The following DLG2 variants were observed in gnomAD, a reference collection of about 807,000 sequenced individuals.
DLG2 encodes the protein disks large homolog 2.
In DLG2, 45 loss-of-function variants were observed where a neutral mutation model predicts 132.5. That is an observed-to-expected ratio of 0.34 (90% CI 0.27 to 0.44). DLG2 has a LOEUF of 0.44. DLG2 is among the 20% of genes least tolerant of loss of function. The pLI is 1.00. For missense variants in DLG2, 1,045 were observed against 1,196.9 expected (o/e 0.87, Z 1.87); for synonymous variants, 424 against 419.6 (o/e 1.01, Z -0.13).
At chr11:84,864,453 G>A (rs2084243830) in intron 6 of DLG2, among the ~76,000 whole-genome samples, 1 of 152,018 alleles carries the variant, frequency 6.6e-6, no homozygotes, top group Non-Finnish European at 1.5e-5. Flanking sequence ...TAGTTTTACT[G>A]TTTTCTTTGT....
At chr11:85,469,241 T>C (rs1192852480) in intron 3 of DLG2, 1 of 152,230 alleles carries the variant, frequency 6.6e-6, no homozygotes, top group African/African-American at 2.4e-5. Flanking sequence ...CATTTCTCAC[T>C]TGAGTGATTT....
intron 7 of DLG2, among the ~76,000 whole-genome samples, chr11:84,281,922 T>C (rs1469505447): frequency 6.6e-6 from 1 of 152,168 alleles, no homozygotes; most frequent in African/African-American, 2.4e-5. Context: ...GGTGAGAATA[T>C]AAAAAATTGT....
At chr11:84,957,097 T>C (rs2051792752) in intron 6 of DLG2, among the ~76,000 whole-genome samples, 1 of 152,136 alleles carries the variant, frequency 6.6e-6, no homozygotes, top group Non-Finnish European at 1.5e-5. Flanking sequence ...ACAACAACCT[T>C]AGGGGAGAGA....
At chr11:83,631,604 T>C (rs1375081013) in intron 19 of DLG2, 1 of 152,182 alleles carries the variant, frequency 6.6e-6, no homozygotes, top group Non-Finnish European at 1.5e-5. Flanking sequence ...GTATTAGTTT[T>C]ATATAATATC....
chr11:84,207,175 G>A (rs116295410), intron 8 of DLG2, among the ~76,000 whole-genome samples: 26 of 151,162 alleles, frequency 1.7e-4, no homozygotes, highest in African/African-American at 5.1e-4. Context: ...AATATACCAC[G>A]CTTATGGGCT....
chr11:84,951,542 A>C (rs1591741866), intron 6 of DLG2, among the ~76,000 whole-genome samples: 1 of 151,678 alleles, frequency 6.6e-6, no homozygotes, highest in East Asian at 1.9e-4. Flanking sequence ...CGAGCATTAA[A>C]ATTTTAACTA....
At chr11:83,686,029 A>T (rs926304404) in intron 18 of DLG2, among the ~76,000 whole-genome samples, 1 of 151,578 alleles carries the variant, frequency 6.6e-6, no homozygotes, top group Non-Finnish European at 1.5e-5. Flanking sequence ...CTCCACCCTC[A>T]TCTCCCTAAT....
chr11:84,865,605 A>G (rs1250470320), intron 6 of DLG2, among the ~76,000 whole-genome samples: 1 of 152,218 alleles, frequency 6.6e-6, no homozygotes, highest in African/African-American at 2.4e-5. Context: ...CAGATTTTTC[A>G]AAGGTAACAG....
intron 3 of DLG2, among the ~76,000 whole-genome samples, chr11:85,341,177 G>C (rs987107319): frequency 6.6e-6 from 1 of 152,102 alleles, no homozygotes; most frequent in Admixed American, 6.5e-5. Context: ...GGAGTGTAGT[G>C]GCACGATCTC....
At chr11:85,239,848 C>T (rs1468109865) in intron 4 of DLG2, among the ~76,000 whole-genome samples, 1 of 151,850 alleles carries the variant, frequency 6.6e-6, no homozygotes, top group Non-Finnish European at 1.5e-5. Context: ...ACTGGACATG[C>T]TATGACTATT....
chr11:85,229,753 A>G (rs930975065), intron 4 of DLG2, among the ~76,000 whole-genome samples: 7 of 152,118 alleles, frequency 4.6e-5, no homozygotes, highest in Admixed American at 6.6e-5. Flanking sequence ...ATGCCCATCA[A>G]TGATAGACTG....
At chr11:84,842,489 G>T (rs1175693754) in intron 6 of DLG2, among the ~76,000 whole-genome samples, 1 of 151,914 alleles carries the variant, frequency 6.6e-6, no homozygotes, top group Non-Finnish European at 1.5e-5. Context: ...ATAAGTTCTA[G>T]AAGTTCCTAA....
intron 22 of DLG2, among the ~76,000 whole-genome samples, chr11:83,479,862 C>CCTAT (rs1408469649): frequency 2.0e-5 from 3 of 152,008 alleles, no homozygotes; most frequent in Non-Finnish European, 2.9e-5. Flanking sequence ...GTCATAGTAT[C>CCTAT]CTATCTTAAA....
intron 3 of DLG2, among the ~76,000 whole-genome samples, chr11:85,504,256 C>T (rs1394439639): frequency 6.6e-6 from 1 of 151,998 alleles, no homozygotes; most frequent in Non-Finnish European, 1.5e-5. Flanking sequence ...GTTGCCATTG[C>T]TTTTGGTGTT....
intron 4 of DLG2, among the ~76,000 whole-genome samples, chr11:85,168,208 G>C (rs72945906): frequency 0.05 from 7,549 of 152,106 alleles, 278 homozygotes; most frequent in East Asian, 0.095. Flanking sequence ...GTGTAAGAAA[G>C]GAAACAAATA....
chr11:84,691,202 T>C (rs2057994257), intron 6 of DLG2, among the ~76,000 whole-genome samples: 1 of 151,900 alleles, frequency 6.6e-6, no homozygotes, highest in South Asian at 2.1e-4. Context: ...CATGCTTTTA[T>C]AATACAACTT....
chr11:84,419,496 T>C (rs1230510991), intron 7 of DLG2, among the ~76,000 whole-genome samples: 1 of 152,202 alleles, frequency 6.6e-6, no homozygotes, highest in Non-Finnish European at 1.5e-5. Context: ...CTGTCTCATA[T>C]ACAAAACAAC....
intron 21 of DLG2, among the ~76,000 whole-genome samples, chr11:83,502,307 C>G (rs1275950188): frequency 6.6e-6 from 1 of 152,090 alleles, no homozygotes; most frequent in African/African-American, 2.4e-5. Flanking sequence ...GAGTTGCGCT[C>G]TTATCTATTA....
At chr11:84,093,448 GA>G (rs1351256930) in intron 10 of DLG2, among the ~76,000 whole-genome samples, 1 of 152,126 alleles carries the variant, frequency 6.6e-6, no homozygotes, top group Non-Finnish European at 1.5e-5. Flanking sequence ...ACCAGCCTGA[GA>G]AAAGTCTCCA....
Sources: gnomAD v4.1 joint callset for allele counts (sites outside exome capture counted in the v4.1 genomes callset) on GRCh38, gnomAD v4.1.1 for gene constraint, MANE v1.5 for transcripts, NCBI Gene and HGNC (gene_info 2026-07-23, HGNC 2026-07-21) for gene names.